The following ITGA4 variants were observed in gnomAD, a reference collection of about 807,000 sequenced individuals.
ITGA4 encodes integrin alpha-4.
In ITGA4, 63 loss-of-function variants were observed where a neutral mutation model predicts 133.6. The ratio of observed to expected loss-of-function variants is 0.47; its 90% confidence interval spans 0.38 to 0.58. The LOEUF is 0.58. Among genes scored for constraint, ITGA4 ranks in the 20% least tolerant of loss-of-function variants. The probability of loss-of-function intolerance (pLI) is 0.00; values close to 1 mark genes in which losing one functional copy is unlikely to be tolerated. For synonymous variants in ITGA4, 483 were observed against 438.0 expected (o/e 1.10, Z -1.28); for missense variants, 1,076 against 1,252.7 (o/e 0.86, Z 2.13).
At position 181,480,194 on chromosome 2, in the gene ITGA4, T is replaced by C; in HGVS notation, c.682T>C (p.Tyr228His). Residue 228 changes from tyrosine (Y) to histidine (H), a missense_variant, in exon 6 of 28, where the codon TAC (tyrosine) becomes CAC (histidine). By Grantham distance (83) the Tyr-to-His change is moderately conservative. Transcript: ENST00000397033. ...SSYWTGSLFV[Y>H]NITTNKYKAF... ...TTACTGGACTGGCTCTCTTTTTGTC[T>C]ACAATATAACTACAAATAAATACAA... is the stretch of plus-strand genomic sequence containing the variant. 6.4e-7 allele frequency: 1 copy of C among 1,559,358 alleles called. No individual in the cohort carries two copies.
rs1445171424 is a variant in ITGA4 at position 181,538,629 on chromosome 2, A to G, written c.*3102A>G. Among the ~76,000 whole-genome samples, 1 of 152,152 alleles carries G rather than the reference A, an allele frequency of 6.6e-6. No individual in the cohort carries two copies. Among genetic ancestry groups the G allele is most frequent in the Non-Finnish European group, 1.5e-5 (1 of 68,000 alleles). ...CCAGTTGCTATGTAAAATTGTTCCC[A>G]AGGGAAGTTGAATGCTCTGTAAAGG... On this transcript the variant is annotated 3_prime_UTR_variant, in exon 28 of 28. Coordinates refer to ENST00000397033, the MANE Select transcript of ITGA4 (RefSeq NM_000885.6).
chr2:181,470,053 TTAAAG>T (rs1211693429), intron 2 of ITGA4, among the ~76,000 whole-genome samples: 1 of 151,822 alleles, frequency 6.6e-6, no homozygotes, highest in African/African-American at 2.4e-5. Flanking sequence ...ACCCTGGAAC[TTAAAG>T]TATAATAATA....
At chr2:181,472,110 A>G (rs548638286) in intron 2 of ITGA4, among the ~76,000 whole-genome samples, 1 of 152,342 alleles carries the variant, frequency 6.6e-6, no homozygotes, top group Non-Finnish European at 1.5e-5. Flanking sequence ...GAGCCTGGGC[A>G]GTGATGACAT....
Position 181,536,606 on chromosome 2 carries a change from A to G in ITGA4, c.*1079A>G, listed in dbSNP as rs1687108113. On this transcript the variant is annotated 3_prime_UTR_variant, in exon 28 of 28. Coordinates refer to ENST00000397033, the MANE Select transcript of ITGA4 (RefSeq NM_000885.6). ...AAACAAAATTCATAAATTTAAATTCATAAATTTAGCTGAAAGATACTGATT... is the reference window on the plus strand; with the variant it reads ...AAACAAAATTCATAAATTTAAATTCGTAAATTTAGCTGAAAGATACTGATT... 1 of 164,416 alleles carries G rather than the reference A, an allele frequency of 6.1e-6. No individual in the cohort carries two copies. Among genetic ancestry groups the G allele is most frequent in the South Asian group, 1.6e-4 (1 of 6,226 alleles). 10.2% of individuals were successfully genotyped at this position (164,416 alleles called of 1,614,324 possible).
At position 181,527,299 on chromosome 2, in the gene ITGA4, T is replaced by C; in HGVS notation, c.2342T>C (p.Phe781Ser). The C allele has an allele frequency of 6.2e-7, 1 of 1,601,696 alleles. No homozygotes were observed. ...AAATTTGAATTTGTTTTTACCAGGT[T>C]TGTAAACCCAACTTCATTTGTGTAT... is the stretch of plus-strand genomic sequence containing the variant. ...KYEVKLTVHG[F>S]VNPTSFVYGS... The change falls in exon 22 of 28, where the codon TTT becomes TCT. Residue 781 changes from phenylalanine to serine, a missense_variant and splice_region_variant. Coordinates refer to ENST00000397033, the MANE Select transcript of ITGA4 (RefSeq NM_000885.6).
chr2:181,465,356 T>G (rs1213069802), intron 2 of ITGA4, among the ~76,000 whole-genome samples: 1 of 152,170 alleles, frequency 6.6e-6, no homozygotes, highest in Non-Finnish European at 1.5e-5. Context: ...CTGGTTTTTC[T>G]CATGTATTTT....
intron 2 of ITGA4, among the ~76,000 whole-genome samples, chr2:181,461,579 C>G (rs1041359699): frequency 1.3e-4 from 19 of 151,998 alleles, no homozygotes; most frequent in African/African-American, 4.6e-4. Flanking sequence ...CAAATAATGA[C>G]TCAATTAATA....
intron 18 of ITGA4, among the ~76,000 whole-genome samples, chr2:181,522,821 G>T (rs1305550691): frequency 6.6e-6 from 1 of 152,082 alleles, no homozygotes; most frequent in African/African-American, 2.4e-5. Context: ...ACGAATATCT[G>T]TTACCTTCTT....
At chr2:181,472,639 G>A (rs2105723813) in intron 2 of ITGA4, among the ~76,000 whole-genome samples, 1 of 152,206 alleles carries the variant, frequency 6.6e-6, no homozygotes, top group African/African-American at 2.4e-5. Flanking sequence ...ATTGATTTTA[G>A]TGAAAACTGA....
In ITGA4 at chr2:181,523,276, A is replaced by G. The variant is rs1686759141; in HGVS notation, c.2074-161A>G. ...TATACACACATGCACACATATTTAT[A>G]TCATATGTCTATTTATCTCAAACAT... On this transcript the variant is annotated intron_variant, in intron 18 of 27. Coordinates refer to ENST00000397033, the MANE Select transcript of ITGA4 (RefSeq NM_000885.6). This position sits in a 1 kb window ranked among gnomAD's most constrained non-coding sequence, Gnocchi z 4.2. 1 of 547,634 alleles carries G rather than the reference A, an allele frequency of 1.8e-6. No homozygotes were observed. Among genetic ancestry groups the G allele is most frequent in the African/African-American group, 1.9e-5 (1 of 52,624 alleles). 33.9% of individuals were successfully genotyped at this position (547,634 alleles called of 1,614,324 possible).
At chr2:181,461,480 A>G (rs1223911817) in intron 2 of ITGA4, among the ~76,000 whole-genome samples, 1 of 151,804 alleles carries the variant, frequency 6.6e-6, no homozygotes, top group East Asian at 1.9e-4. Context: ...GGTGATTTCT[A>G]CATGTCCACT....
In ITGA4 at chr2:181,536,762, A is replaced by AAATACAATCAT; in HGVS notation, c.*1236_*1246dup. 1 of 247,420 alleles carries AAATACAATCAT rather than the reference A, an allele frequency of 4.0e-6. No individual in the cohort carries two copies. The highest frequency in any genetic ancestry group is 8.1e-6 in the Non-Finnish European group (1 of 122,902). 15.3% of individuals were successfully genotyped at this position (247,420 alleles called of 1,614,324 possible). On this transcript the variant is annotated 3_prime_UTR_variant, in exon 28 of 28. Transcript: ENST00000397033. ...TTTCTGGATTTTAAAAAATTTCTTT[A>AAATACAATCAT]AATACAATCATTTTTGTAATATTTA...
chr2:181,495,957 T>C lies in ITGA4; in HGVS notation c.1540+20T>C. On this transcript the variant is annotated intron_variant, in intron 14 of 27. Transcript: ENST00000397033. This position sits in a 1 kb window ranked among gnomAD's most constrained non-coding sequence, Gnocchi z 4.3. ...ACATTGGTGGGTATGCCCTACAATA[T>C]TAATGCTTGATGGGGTGCGGTTCAT... 1 of 1,610,856 alleles carries C rather than the reference T, an allele frequency of 6.2e-7. No homozygotes were observed. Among genetic ancestry groups the C allele is most frequent in the Non-Finnish European group, 8.5e-7 (1 of 1,177,978 alleles).
intron 10 of ITGA4, among the ~76,000 whole-genome samples, chr2:181,489,329 A>G (rs1483909587): frequency 1.3e-5 from 2 of 152,108 alleles, no homozygotes; most frequent in Admixed American, 6.5e-5. Flanking sequence ...AACACAAGCC[A>G]TTTTCTAAAA....
chr2:181,493,918 A>T (rs958640817), intron 11 of ITGA4, among the ~76,000 whole-genome samples: 1 of 71,486 alleles, frequency 1.4e-5, no homozygotes, highest in African/African-American at 4.6e-5. Flanking sequence ...AAATCATGGC[A>T]TTTCAGTGCC....
intron 9 of ITGA4, among the ~76,000 whole-genome samples, chr2:181,484,426 T>C (rs1379068017): frequency 6.6e-6 from 1 of 152,116 alleles, no homozygotes; most frequent in Admixed American, 6.5e-5. Context: ...TCAGAGCCAT[T>C]GCATTGTCTT....
chr2:181,458,014 T>C (rs1055017004), intron 1 of ITGA4, among the ~76,000 whole-genome samples, 163 bp downstream of exon 1: 1 of 152,122 alleles, frequency 6.6e-6, no homozygotes, highest in Non-Finnish European at 1.5e-5. Context: ...AACTAACTTA[T>C]CTTGGGGCGG....
At position 181,495,427 on chromosome 2, in the gene ITGA4, T is replaced by C. The variant is rs1686137670; in HGVS notation, c.1385+11T>C. 1.9e-6 allele frequency: 3 copies of C among 1,590,340 alleles called. No individual in the cohort carries two copies. In the South Asian group the frequency reaches 3.3e-5, roughly 18 times the overall value. The stretch of plus-strand genomic sequence containing the variant: ...TGCTGTCTTGCTAAGGTAAGACTGA[T>C]ATATTTCACTGCTTAATTGCAATTT... On this transcript the variant is annotated intron_variant, in intron 13 of 27. Coordinates refer to ENST00000397033, the MANE Select transcript of ITGA4 (RefSeq NM_000885.6). This position sits in a 1 kb window ranked among gnomAD's most constrained non-coding sequence, Gnocchi z 4.3.
At chr2:181,481,765 A>C (rs934508716) in intron 7 of ITGA4, 82 bp downstream of exon 7, 1 of 538,722 alleles carries the variant, frequency 1.9e-6, no homozygotes, top group Non-Finnish European at 3.3e-6. Flanking sequence ...AGAAACTGTG[A>C]ATGTTGTAAG....
Sources: gnomAD v4.1 joint callset for allele counts (sites outside exome capture counted in the v4.1 genomes callset) on GRCh38, gnomAD v4.1.1 for gene constraint, Gnocchi (gnomAD v3.1) non-coding constraint, MANE v1.5 for transcripts, NCBI Gene and HGNC (gene_info 2026-07-23, HGNC 2026-07-21) for gene names.